The following UPF1 variants were observed in gnomAD, a reference collection of about 807,000 sequenced individuals.
The protein encoded by UPF1 is UPF1 RNA helicase and ATPase, also known as regulator of nonsense transcripts 1.
In UPF1, 9 loss-of-function variants were observed where a neutral mutation model predicts 129.2. That is an observed-to-expected ratio of 0.07 (90% CI 0.04 to 0.12). The LOEUF is 0.12. UPF1 is among the 10% of genes least tolerant of loss of function. The pLI is 1.00. For synonymous variants in UPF1, 649 were observed against 644.9 expected (o/e 1.01, Z -0.10); for missense variants, 788 against 1,525.3 (o/e 0.52, Z 8.05).
intron 1 of UPF1, among the ~76,000 whole-genome samples, chr19:18,840,548 G>T (rs1430518923): frequency 6.6e-6 from 1 of 152,186 alleles, no homozygotes; most frequent in Admixed American, 6.5e-5. Context: ...TGCTTTCATG[G>T]TGGTCGGGAT....
At chr19:18,857,103 C>A in intron 14 of UPF1, 83 bp downstream of exon 14, 5 of 1,551,348 alleles carry the variant, frequency 3.2e-6, no homozygotes, top group Non-Finnish European at 4.4e-6. Flanking sequence ...CTTGTATTGA[C>A]GTAGGATGCC....
intron 11 of UPF1, chr19:18,855,469 A>AG (rs904617582): frequency 7.8e-5 from 47 of 600,684 alleles, no homozygotes; most frequent in Admixed American, 4.9e-4. Flanking sequence ...AACTGGGGGC[A>AG]GGGGGGGCAT....
At chr19:18,856,843 G>T in intron 13 of UPF1, 34 bp from the exon 14 acceptor site, 3 of 1,593,258 alleles carry the variant, frequency 1.9e-6, no homozygotes, top group Non-Finnish European at 2.6e-6. Context: ...CGTTTACAGT[G>T]CAGGTGCCCT....
intron 20 of UPF1, among the ~76,000 whole-genome samples, chr19:18,864,813 C>T (rs2055823645): frequency 7.0e-6 from 1 of 142,472 alleles, no homozygotes; most frequent in African/African-American, 2.7e-5. Flanking sequence ...GATCTTGGCT[C>T]ACTGCAACCT....
chr19:18,845,793 G>C (rs960567478), intron 1 of UPF1, among the ~76,000 whole-genome samples, 187 bp from the exon 2 acceptor site: 3 of 152,166 alleles, frequency 2.0e-5, no homozygotes, highest in Non-Finnish European at 1.5e-5. Flanking sequence ...GGTGTAGAAG[G>C]CCACCAGTGG....
intron 19 of UPF1, 95 bp downstream of exon 19, chr19:18,863,707 TGAGGGAGGGCTCTCCTAGGG>T (rs1568283698): frequency 1.3e-5 from 18 of 1,372,374 alleles, no homozygotes; most frequent in East Asian, 1.2e-4. Context: ...GCCCGTGAGC[TGAGGGAGGGCTCTCCTAGGG>T]GAGGGTGGGC....
At position 18,853,114 on chromosome 19, in the gene UPF1, A is replaced by G. The variant is rs1303851424; in HGVS notation, c.1057+43A>G. ...ATAATTTGGTTAAGAGGTGATTTTA[A>G]GTTTTAAAATATTTGTGACCATAAG... On this transcript the variant is annotated intron_variant, in intron 7 of 23. Transcript: ENST00000262803. This position sits in a 1 kb window ranked among gnomAD's most constrained non-coding sequence, Gnocchi z 4.4. 2 of 1,612,030 alleles carry G rather than the reference A, an allele frequency of 1.2e-6. No individual in the cohort carries two copies. The highest frequency in any genetic ancestry group is 1.7e-6 in the Non-Finnish European group (2 of 1,178,634).
chr19:18,860,051 G>T (rs1394194222), intron 15 of UPF1: 2 of 423,788 alleles, frequency 4.7e-6, no homozygotes, highest in Admixed American at 4.0e-5. Context: ...CTGCAAGAAA[G>T]CCCTGGCTGA....
In UPF1 at chr19:18,855,228, C is replaced by T; in HGVS notation, c.1530C>T (p.Ala510=). 8 of 1,611,612 alleles carry T rather than the reference C, an allele frequency of 5.0e-6. No individual in the cohort carries two copies. The highest frequency in any genetic ancestry group is 6.8e-6 in the Non-Finnish European group (8 of 1,179,964). The change falls in exon 11 of 24, where the codon GCC becomes GCT. Residue 510 remains alanine, a synonymous_variant. Transcript: ENST00000262803. ...CGGCCACCATCGTCTACCACCTGGC[C>T]CGGCAAGGCAACGGGTAGGGCTGAC... The part of the protein sequence containing the change: ...VTSATIVYHL[A]RQGNGPVLVC...
rs2055659386 is a variant in UPF1 at position 18,851,600 on chromosome 19, A to G, written c.811-535A>G. Among the ~76,000 whole-genome samples, 1 of 152,184 alleles carries G rather than the reference A, an allele frequency of 6.6e-6. No individual in the cohort carries two copies. Among genetic ancestry groups the G allele is most frequent in the Admixed American group, 6.5e-5 (1 of 15,280 alleles). ...CAGAAAATGTCCTGTCCCCACCAGC[A>G]TGGCACTCACTGAGGGAGCTGGCCC... On this transcript the variant is annotated intron_variant, in intron 5 of 23. Transcript: ENST00000262803. This position sits in a 1 kb window ranked among gnomAD's most constrained non-coding sequence, Gnocchi z 4.2.
At position 18,866,136 on chromosome 19, in the gene UPF1, C is replaced by T. The variant is rs776035891; in HGVS notation, c.3330C>T (p.Gly1110=). 1.9e-5 allele frequency: 30 copies of T among 1,609,348 alleles called. No individual in the cohort carries two copies. The highest frequency in any genetic ancestry group is 1.2e-4 in the South Asian group (11 of 90,490). The change falls in exon 23 of 24, where the codon GGC becomes GGT. Residue 1110 remains glycine (G), a synonymous_variant. Coordinates refer to ENST00000262803, the MANE Select transcript of UPF1 (RefSeq NM_002911.4). The stretch of plus-strand genomic sequence containing the variant: ...AGGGAGAGCGGGCTTACCAGCATGG[C>T]GGGGTGACGGGGCTGTCCCAGTATT... The part of the protein sequence containing the change: ...TYQGERAYQH[G]GVTGLSQY
rs569912877 is a variant in UPF1 at position 18,867,234 on chromosome 19, G to T, written c.*717G>T. The T allele has an allele frequency of 1.3e-5, 2 of 152,304 alleles. No homozygotes were observed. The highest frequency in any genetic ancestry group is 1.3e-4 in the Admixed American group (2 of 15,290). 9.4% of individuals were successfully genotyped at this position (152,304 alleles called of 1,614,324 possible). A position where few individuals can be genotyped will look rare whatever the true frequency, so the allele number is the denominator to read the frequency against. On this transcript the variant is annotated 3_prime_UTR_variant, in exon 24 of 24. Coordinates refer to ENST00000262803, the MANE Select transcript of UPF1 (RefSeq NM_002911.4). ...AGCAACACCTGTGCCGCGGCCGGAG[G>T]AGTTTTGTTGTTGGTTTTAGCTTCC...
intron 3 of UPF1, chr19:18,849,283 C>A (rs947227703): frequency 1.3e-5 from 2 of 153,030 alleles, no homozygotes; most frequent in African/African-American, 4.8e-5. Flanking sequence ...AGAGAGGGCG[C>A]GGTGAGGAAG....
chr19:18,843,920 A>AT (rs987162822), intron 1 of UPF1, among the ~76,000 whole-genome samples: 4 of 151,766 alleles, frequency 2.6e-5, no homozygotes, highest in African/African-American at 4.8e-5. Flanking sequence ...TCGTTTGTGT[A>AT]TTTTTTTGTG....
intron 3 of UPF1, 125 bp downstream of exon 3, chr19:18,847,958 T>A: frequency 1.1e-6 from 1 of 933,054 alleles, no homozygotes; most frequent in Non-Finnish European, 1.7e-6. Flanking sequence ...TTTTTCCTCC[T>A]CTGTGACTGG....
In UPF1 at chr19:18,857,543, C is replaced by T; in HGVS notation, c.2182+10C>T. ...AATGGTGTCACTGCAGGTAACGGGG[C>T]TCTGCCCAGGGCAGGGGCTTCTACA... is the stretch of plus-strand genomic sequence containing the variant. On this transcript the variant is annotated intron_variant, in intron 15 of 23. Coordinates refer to ENST00000262803, the MANE Select transcript of UPF1 (RefSeq NM_002911.4). 1 of 1,605,462 alleles carries T rather than the reference C, an allele frequency of 6.2e-7. No homozygotes were observed. The highest frequency in any genetic ancestry group is 8.5e-7 in the Non-Finnish European group (1 of 1,176,016).
In UPF1 at chr19:18,865,016, T is replaced by G. The variant is rs2055826422; in HGVS notation, c.2858-273T>G. Among the ~76,000 whole-genome samples the G allele has an allele frequency of 6.6e-6, 1 of 152,208 alleles. No homozygotes were observed. The highest frequency in any genetic ancestry group is 1.5e-5 in the Non-Finnish European group (1 of 68,024). ...TCCCAGAGTGCTGGGATTATAGGCT[T>G]GAGCCAACACGCCCGGCCCCAATTT... On this transcript the variant is annotated intron_variant, in intron 20 of 23. Transcript: ENST00000262803. The surrounding 1 kb of genome is among the most constrained non-coding windows in gnomAD (Gnocchi z 6.1).
At chr19:18,849,467 G>A (rs1326078159) in intron 3 of UPF1, 3 of 157,600 alleles carry the variant, frequency 1.9e-5, no homozygotes, top group African/African-American at 4.8e-5. Context: ...TCCTGGCCAC[G>A]TCGCAGCAAG....
At chr19:18,841,112 A>G (rs1050621271) in intron 1 of UPF1, among the ~76,000 whole-genome samples, 1 of 152,256 alleles carries the variant, frequency 6.6e-6, no homozygotes, top group Non-Finnish European at 1.5e-5. Context: ...ATCCATGCGC[A>G]TAGCTTGCAG....
Sources: allele counts gnomAD v4.1 joint callset (sites outside exome capture counted in the v4.1 genomes callset), GRCh38; gene constraint gnomAD v4.1.1; non-coding constraint Gnocchi (gnomAD v3.1); transcripts MANE v1.5; gene names NCBI Gene and HGNC (gene_info 2026-07-23, HGNC 2026-07-21).